PTPRD: variants seen among roughly 807,000 people sequenced by gnomAD.
PTPRD encodes protein tyrosine phosphatase receptor type D.
In PTPRD, 34 loss-of-function variants were observed where a neutral mutation model predicts 214.5. That is an observed-to-expected ratio of 0.16 (90% CI 0.12 to 0.21). The LOEUF is 0.21. Ranked by LOEUF, PTPRD falls within the 10% of genes least tolerant of loss-of-function variation. The probability of loss-of-function intolerance (pLI) is 1.00; values close to 1 mark genes in which losing one functional copy is unlikely to be tolerated. For synonymous variants in PTPRD, 1,128 were observed against 845.7 expected (o/e 1.33, Z -5.79); for missense variants, 2,545 against 2,398.7 (o/e 1.06, Z -1.27).
At chr9:9,666,611 G>T (rs1414814063) in intron 7 of PTPRD, among the ~76,000 whole-genome samples, 1 of 151,952 alleles carries the variant, frequency 6.6e-6, no homozygotes, top group Admixed American at 6.6e-5. Context: ...TATTTAATAA[G>T]TTGGCAAATT....
At chr9:10,013,548 G>C (rs900670079) in intron 4 of PTPRD, among the ~76,000 whole-genome samples, 4 of 147,716 alleles carry the variant, frequency 2.7e-5, no homozygotes, top group African/African-American at 9.8e-5. Context: ...AGTGTACAAA[G>C]CTGAAGATCA....
intron 2 of PTPRD, among the ~76,000 whole-genome samples, chr9:10,358,728 G>A (rs984487883): frequency 6.6e-6 from 1 of 151,810 alleles, no homozygotes; most frequent in Non-Finnish European, 1.5e-5. Flanking sequence ...ATATTATACT[G>A]TAACATAATT....
At chr9:8,720,824 C>T (rs1420334226) in intron 12 of PTPRD, among the ~76,000 whole-genome samples, 1 of 152,070 alleles carries the variant, frequency 6.6e-6, no homozygotes, top group East Asian at 1.9e-4. Context: ...CAATGAGGGG[C>T]ATAGTAACTA....
At chr9:8,499,512 T>C (rs1010444776) in intron 25 of PTPRD, 135 bp downstream of exon 25, 11 of 803,332 alleles carry the variant, frequency 1.4e-5, no homozygotes, top group Non-Finnish European at 2.1e-5. Flanking sequence ...TCAATATACA[T>C]CAATGTGAAA....
intron 11 of PTPRD, among the ~76,000 whole-genome samples, chr9:8,751,598 G>A (rs1368150492): frequency 1.3e-5 from 2 of 152,144 alleles, no homozygotes; most frequent in Non-Finnish European, 2.9e-5. Context: ...GGATTTAGAA[G>A]CCAAGGCCTG....
intron 11 of PTPRD, among the ~76,000 whole-genome samples, chr9:8,839,270 AGAT>A (rs1376586622): frequency 2.0e-5 from 3 of 152,152 alleles, no homozygotes; most frequent in Non-Finnish European, 2.9e-5. Flanking sequence ...AACAAAACCT[AGAT>A]GATAATTTTC....
intron 11 of PTPRD, among the ~76,000 whole-genome samples, chr9:8,837,368 TAAAG>T (rs1275546786): frequency 6.6e-6 from 1 of 152,182 alleles, no homozygotes. Context: ...ATGAGGCATA[TAAAG>T]ATTGTTTTTC....
intron 7 of PTPRD, among the ~76,000 whole-genome samples, chr9:9,642,833 T>C (rs1012963641): frequency 6.6e-6 from 1 of 152,136 alleles, no homozygotes; most frequent in Non-Finnish European, 1.5e-5. Flanking sequence ...TACAAGACAA[T>C]TGGGGCTCAT....
chr9:10,216,810 T>C (rs2099543451), intron 3 of PTPRD, among the ~76,000 whole-genome samples: 3 of 152,012 alleles, frequency 2.0e-5, no homozygotes, highest in African/African-American at 7.2e-5. Context: ...CACTTCTATC[T>C]CTTTCTAATT....
At chr9:9,355,230 C>T (rs1426306262) in intron 9 of PTPRD, among the ~76,000 whole-genome samples, 1 of 151,346 alleles carries the variant, frequency 6.6e-6, no homozygotes, top group Admixed American at 6.6e-5. Flanking sequence ...AATTATACCT[C>T]GAAAAAGCTG....
chr9:9,931,702 G>A (rs1566456283), intron 5 of PTPRD, among the ~76,000 whole-genome samples: 3 of 151,586 alleles, frequency 2.0e-5, no homozygotes, highest in African/African-American at 4.8e-5. Context: ...CAGCTGGGAA[G>A]CTCGAACTGG....
At chr9:8,676,962 TG>T (rs2097434702) in intron 12 of PTPRD, among the ~76,000 whole-genome samples, 1 of 152,172 alleles carries the variant, frequency 6.6e-6, no homozygotes, top group Admixed American at 6.5e-5. Context: ...AAAGAATGCC[TG>T]AATGAAATGA....
intron 11 of PTPRD, among the ~76,000 whole-genome samples, chr9:9,014,969 T>G (rs1010845053): frequency 2.3e-4 from 35 of 152,182 alleles, no homozygotes. Flanking sequence ...TAGGTATGTC[T>G]GTGTACATGT....
chr9:8,766,659 C>G (rs1363143121), intron 11 of PTPRD, among the ~76,000 whole-genome samples: 1 of 152,154 alleles, frequency 6.6e-6, no homozygotes, highest in Non-Finnish European at 1.5e-5. Flanking sequence ...TTTCACTTTG[C>G]AAACATTTAT....
chr9:9,955,742 C>A (rs951678022), intron 4 of PTPRD, among the ~76,000 whole-genome samples: 1 of 152,134 alleles, frequency 6.6e-6, no homozygotes. Flanking sequence ...CCAGGATGGT[C>A]TCGATCTCCT....
intron 3 of PTPRD, among the ~76,000 whole-genome samples, chr9:10,309,092 A>G (rs934205405): frequency 8.5e-5 from 13 of 152,058 alleles, no homozygotes; most frequent in African/African-American, 2.9e-4. Context: ...TATGGGTACT[A>G]GTTTTAACAA....
intron 3 of PTPRD, among the ~76,000 whole-genome samples, chr9:10,330,468 AT>A (rs2096728785): frequency 1.3e-5 from 2 of 151,722 alleles, no homozygotes; most frequent in Non-Finnish European, 2.9e-5. Flanking sequence ...CCCCCAACAC[AT>A]TTTTTGTTCC....
At chr9:8,408,901 G>T (rs554713546) in intron 35 of PTPRD, among the ~76,000 whole-genome samples, 162 of 151,834 alleles carry the variant, frequency 1.1e-3, no homozygotes, top group East Asian at 2.1e-3. Context: ...AGAACAACGG[G>T]AAAGTCTCAA....
chr9:9,468,130 C>T (rs755968157), intron 8 of PTPRD, among the ~76,000 whole-genome samples: 4 of 151,878 alleles, frequency 2.6e-5, no homozygotes, highest in Non-Finnish European at 4.4e-5. Flanking sequence ...TTCCTCTTTC[C>T]TTTTCTCTTT....
Sources: gnomAD v4.1 joint callset for allele counts (sites outside exome capture counted in the v4.1 genomes callset) on GRCh38, gnomAD v4.1.1 for gene constraint, MANE v1.5 for transcripts, NCBI Gene and HGNC (gene_info 2026-07-23, HGNC 2026-07-21) for gene names.